The following PRKG1 variants were observed in gnomAD, a reference collection of about 807,000 sequenced individuals.
The protein encoded by PRKG1 is protein kinase cGMP-dependent 1.
Under a neutral mutation model 88.1 loss-of-function variants are expected in PRKG1, and 35 were observed. The observed-to-expected ratio is 0.40, with a 90% CI of 0.30 to 0.53. The LOEUF (loss-of-function observed/expected upper bound fraction) is 0.53, where lower values mean the gene tolerates loss of function less well. Among genes scored for constraint, PRKG1 ranks in the 20% least tolerant of loss-of-function variants. The pLI is 0.59. For missense variants in PRKG1, 540 were observed against 839.8 expected (o/e 0.64, Z 4.41); for synonymous variants, 303 against 292.5 (o/e 1.04, Z -0.37).
At chr10:51,670,921 T>C (rs749369088) in intron 3 of PRKG1, among the ~76,000 whole-genome samples, 2 of 151,980 alleles carry the variant, frequency 1.3e-5, no homozygotes, top group Non-Finnish European at 2.9e-5. Flanking sequence ...TAGACTAATA[T>C]TTTGCTCTAT....
At chr10:52,070,210 A>G (rs1286052849) in intron 7 of PRKG1, among the ~76,000 whole-genome samples, 1 of 152,010 alleles carries the variant, frequency 6.6e-6, no homozygotes, top group Non-Finnish European at 1.5e-5. Flanking sequence ...CCTGTAACCC[A>G]CCTCATTTCT....
At chr10:51,561,771 A>G (rs1837467903) in intron 3 of PRKG1, among the ~76,000 whole-genome samples, 1 of 152,124 alleles carries the variant, frequency 6.6e-6, no homozygotes. Context: ...GAGATTCAGT[A>G]CTTAAATCCA....
intron 2 of PRKG1, among the ~76,000 whole-genome samples, chr10:51,455,905 C>T (rs1378114965): frequency 6.6e-6 from 1 of 152,178 alleles, no homozygotes; most frequent in Non-Finnish European, 1.5e-5. Flanking sequence ...GCCTGTTACC[C>T]AATTTGAAAG....
intron 4 of PRKG1, among the ~76,000 whole-genome samples, chr10:51,849,372 A>G (rs944334192): frequency 6.6e-6 from 1 of 152,176 alleles, no homozygotes. Flanking sequence ...GATTAAACGA[A>G]TATCAAGGTA....
chr10:52,008,728 T>C (rs1365115995), intron 5 of PRKG1, among the ~76,000 whole-genome samples: 3 of 151,730 alleles, frequency 2.0e-5, no homozygotes, highest in Admixed American at 2.0e-4. Context: ...TCAAGTTTCC[T>C]CCCCAGTTTT....
At chr10:51,696,216 T>C (rs971507361) in intron 3 of PRKG1, 1 of 151,948 alleles carries the variant, frequency 6.6e-6, no homozygotes, top group Non-Finnish European at 1.5e-5. Context: ...GATAGAAAAG[T>C]AGATTATGAA....
chr10:51,063,674 A>G (rs533119207), intron 1 of PRKG1, among the ~76,000 whole-genome samples: 1 of 152,184 alleles, frequency 6.6e-6, no homozygotes, highest in Non-Finnish European at 1.5e-5. Flanking sequence ...AGTAACTATA[A>G]AAGTGGCAAG....
At chr10:51,424,791 C>T (rs1209805436) in intron 2 of PRKG1, among the ~76,000 whole-genome samples, 1 of 152,106 alleles carries the variant, frequency 6.6e-6, no homozygotes, top group Admixed American at 6.6e-5. Flanking sequence ...AGACTAGCCA[C>T]AGTAGCAAAT....
chr10:52,007,385 C>G (rs1190010813), intron 5 of PRKG1, among the ~76,000 whole-genome samples: 2 of 136,952 alleles, frequency 1.5e-5, no homozygotes, highest in Non-Finnish European at 3.3e-5. Context: ...AGAGACCCAC[C>G]TCATATACAA....
chr10:51,278,649 C>G (rs1344994736), intron 2 of PRKG1, among the ~76,000 whole-genome samples: 2 of 152,124 alleles, frequency 1.3e-5, no homozygotes, highest in African/African-American at 2.4e-5. Flanking sequence ...TTGGTCTATT[C>G]AGGGATTCAA....
intron 1 of PRKG1, among the ~76,000 whole-genome samples, chr10:51,115,599 G>T (rs1238043893): frequency 6.6e-6 from 1 of 151,328 alleles, no homozygotes; most frequent in Non-Finnish European, 1.5e-5. Flanking sequence ...CAGAATTTTG[G>T]GAGGCCGAGG....
At chr10:52,055,567 C>G (rs1051051674) in intron 6 of PRKG1, among the ~76,000 whole-genome samples, 1 of 152,084 alleles carries the variant, frequency 6.6e-6, no homozygotes, top group Non-Finnish European at 1.5e-5. Flanking sequence ...TATTGTATTA[C>G]TAAAATACCT....
At chr10:51,570,367 G>GA (rs910076577) in intron 3 of PRKG1, among the ~76,000 whole-genome samples, 1 of 151,648 alleles carries the variant, frequency 6.6e-6, no homozygotes, top group African/African-American at 2.4e-5. Context: ...TTAAGCTAGA[G>GA]AAAAAAATTG....
At chr10:52,008,242 C>A (rs1844789528) in intron 5 of PRKG1, among the ~76,000 whole-genome samples, 2 of 151,918 alleles carry the variant, frequency 1.3e-5, no homozygotes, top group Non-Finnish European at 2.9e-5. Flanking sequence ...GCAAACCAAC[C>A]TCAAAGCTAG....
At chr10:52,192,952 T>C (rs1381170449) in intron 9 of PRKG1, among the ~76,000 whole-genome samples, 4 of 152,246 alleles carry the variant, frequency 2.6e-5, no homozygotes, top group African/African-American at 9.6e-5. Context: ...CTTCTATTAA[T>C]TTTCGTCTTT....
intron 3 of PRKG1, among the ~76,000 whole-genome samples, chr10:51,522,735 A>T (rs1841766699): frequency 6.6e-6 from 1 of 152,174 alleles, no homozygotes; most frequent in Non-Finnish European, 1.5e-5. Context: ...CAAACAAAAT[A>T]TTGGTACAAT....
At chr10:52,283,767 T>C (rs1463536471) in intron 14 of PRKG1, among the ~76,000 whole-genome samples, 1 of 151,994 alleles carries the variant, frequency 6.6e-6, no homozygotes, top group Non-Finnish European at 1.5e-5. Context: ...AACATATGTG[T>C]GTGGATGGAT....
chr10:51,948,890 A>G (rs546073229), intron 5 of PRKG1, among the ~76,000 whole-genome samples: 19 of 152,332 alleles, frequency 1.2e-4, no homozygotes, highest in Admixed American at 4.6e-4. Context: ...ACATTGATTC[A>G]ATAAGGATTA....
At chr10:51,285,862 T>A (rs888874612) in intron 2 of PRKG1, among the ~76,000 whole-genome samples, 1 of 152,124 alleles carries the variant, frequency 6.6e-6, no homozygotes, top group African/African-American at 2.4e-5. Flanking sequence ...GCACAGCAAA[T>A]GAAGCAGGTG....
Sources: gnomAD v4.1 joint callset for allele counts (sites outside exome capture counted in the v4.1 genomes callset) on GRCh38, gnomAD v4.1.1 for gene constraint, MANE v1.5 for transcripts, NCBI Gene and HGNC (gene_info 2026-07-23, HGNC 2026-07-21) for gene names.